Variants in IRAG2 observed in about 807,000 individuals in gnomAD.
IRAG2 encodes lymphoid restricted membrane protein.
In IRAG2, 45 loss-of-function variants were observed where a neutral mutation model predicts 69.9. That is an observed-to-expected ratio of 0.64 (90% confidence interval 0.51 to 0.83). The LOEUF (loss-of-function observed/expected upper bound fraction) is 0.83, where lower values mean the gene tolerates loss of function less well. Among genes scored for constraint, IRAG2 ranks in the 40% least tolerant of loss-of-function variants. IRAG2 has a pLI of 0.00. For missense variants in IRAG2, 520 were observed against 587.0 expected, an observed-to-expected ratio of 0.89 and a Z score of 1.18; for synonymous variants, 193 against 202.4, an observed-to-expected ratio of 0.95 and a Z score of 0.40.
chr12:25,069,854 C>T (rs11047807), intron 6 of IRAG2, among the ~76,000 whole-genome samples: 3,745 of 152,258 alleles, frequency 0.025, 144 homozygotes, highest in African/African-American at 0.077. Context: ...CCACAAAGCA[C>T]GGCCATGCCC....
At chr12:25,031,300 G>A (rs699047) in intron 10 of IRAG2, among the ~76,000 whole-genome samples, 143,563 of 152,244 alleles carry the variant, frequency 0.94, 68,278 homozygotes, top group East Asian at 1. Flanking sequence ...TCTTCTCACC[G>A]TTCTGCACTC....
At chr12:25,049,845 T>C (rs1944826511), upstream of IRAG2, among the ~76,000 whole-genome samples, 1 of 151,574 alleles carries the variant, frequency 6.6e-6, no homozygotes, top group African/African-American at 2.4e-5. Flanking sequence ...TAGCCAGGCA[T>C]AGTGGCAGGC....
upstream of IRAG2, among the ~76,000 whole-genome samples, chr12:25,051,287 G>A (rs538060219): frequency 3.3e-5 from 5 of 152,328 alleles, no homozygotes; most frequent in East Asian, 9.6e-4. Context: ...CATTCTGTGA[G>A]ACCATTCTTG....
intron 11 of IRAG2, among the ~76,000 whole-genome samples, chr12:25,089,149 T>A (rs1056733217): frequency 6.6e-6 from 1 of 152,236 alleles, no homozygotes; most frequent in Non-Finnish European, 1.5e-5. Context: ...ATTGGCAATA[T>A]AATAAAGCCA....
At chr12:25,006,247 C>T (rs975072181) in intron 2 of IRAG2, 17 of 152,054 alleles carry the variant, frequency 1.1e-4, no homozygotes, top group African/African-American at 3.6e-4. Flanking sequence ...GTGAGGTTAT[C>T]GAGAAAAGAG....
At chr12:25,073,792 A>G (rs1946482064) in intron 6 of IRAG2, among the ~76,000 whole-genome samples, 1 of 152,188 alleles carries the variant, frequency 6.6e-6, no homozygotes, top group Admixed American at 6.5e-5. Flanking sequence ...TCTTTTGGAG[A>G]TTCATTCTGA....
chr12:25,056,714 A>G (rs1565541584), intron 1 of IRAG2, among the ~76,000 whole-genome samples: 2 of 152,204 alleles, frequency 1.3e-5, no homozygotes, highest in East Asian at 1.9e-4. Context: ...GTTATATAGT[A>G]TAGAAATTAT....
intron 14 of IRAG2, chr12:25,035,899 C>A (rs187640650): frequency 7.6e-6 from 3 of 397,132 alleles, no homozygotes. Flanking sequence ...GCTGCTGAGA[C>A]CCAAATTAAT....
intron 20 of IRAG2, among the ~76,000 whole-genome samples, chr12:25,105,007 C>G (rs1449828522): frequency 6.7e-6 from 1 of 149,902 alleles, no homozygotes; most frequent in African/African-American, 2.5e-5. Context: ...GAGGGATATG[C>G]AGAAATGCTA....
At chr12:25,044,861 GACAGAAAATCAATAAGGAA>G (rs1367632203) in intron 16 of IRAG2, among the ~76,000 whole-genome samples, 1 of 152,042 alleles carries the variant, frequency 6.6e-6, no homozygotes, top group African/African-American at 2.4e-5. Flanking sequence ...AGAACATTTA[GACAGAAAATCAATAAGGAA>G]ACAGCAGGCT....
intron 16 of IRAG2, among the ~76,000 whole-genome samples, chr12:25,045,792 A>C (rs934717696): frequency 6.6e-6 from 1 of 151,744 alleles, no homozygotes; most frequent in Non-Finnish European, 1.5e-5. Flanking sequence ...GAATTCTACC[A>C]AACATTTAAA....
intron 6 of IRAG2, among the ~76,000 whole-genome samples, chr12:25,020,053 A>G (rs78502149): frequency 0.021 from 3,192 of 152,296 alleles, 45 homozygotes; most frequent in East Asian, 0.086. Context: ...AGTGCCTGGG[A>G]CAGGTTCAGC....
chr12:25,038,263 G>A (rs1050767421), intron 16 of IRAG2: 2 of 393,542 alleles, frequency 5.1e-6, no homozygotes, highest in African/African-American at 4.1e-5. Flanking sequence ...TTTTTTCAGA[G>A]AAGATATTCT....
At chr12:25,041,948 G>A (rs938532353) in intron 16 of IRAG2, among the ~76,000 whole-genome samples, 2 of 140,446 alleles carry the variant, frequency 1.4e-5, no homozygotes, top group South Asian at 4.6e-4. Flanking sequence ...TTGAATTTTT[G>A]TTTCAGCTGT....
Position 25,061,650 on chromosome 12 carries a change from T to G in IRAG2, c.-388T>G. On this transcript the variant is annotated 5_prime_UTR_variant, in exon 2 of 22. Coordinates refer to ENST00000556887, the MANE Select transcript of IRAG2 (RefSeq NM_001366544.2). The stretch of plus-strand genomic sequence containing the variant: ...AAGGGGAACACCATGGCTTGCTGTT[T>G]CAGGTAAAATATCTCTGATATGTGT... 1 of 398,624 alleles carries G rather than the reference T, an allele frequency of 2.5e-6. No individual in the cohort carries two copies. The highest frequency in any genetic ancestry group is 4.4e-6 in the Non-Finnish European group (1 of 226,042). The allele number at this position is 398,624 out of a possible 1,614,324, so 24.7% of individuals were successfully genotyped here.
At chr12:25,059,588 AG>A (rs1429435382) in intron 1 of IRAG2, among the ~76,000 whole-genome samples, 2 of 152,184 alleles carry the variant, frequency 1.3e-5, no homozygotes, top group Non-Finnish European at 2.9e-5. Flanking sequence ...TCCCGACCTC[AG>A]GTGACCCATC....
At chr12:25,026,783 C>T in intron 8 of IRAG2, 1 of 1,198,194 alleles carries the variant, frequency 8.3e-7, no homozygotes, top group South Asian at 4.2e-5. Flanking sequence ...CTATCTTTTA[C>T]ATTAGAATTT....
rs1474008815 is a variant in IRAG2 at position 25,088,122 on chromosome 12, C to T, written c.338C>T (p.Thr113Ile). Residue 113 changes from threonine (T) to isoleucine (I), a missense_variant, in exon 11 of 22, where the codon ACA (threonine) becomes ATA (isoleucine). Coordinates refer to ENST00000556887, the MANE Select transcript of IRAG2 (RefSeq NM_001366544.2). ...TAGGAAGCCAAAGAGGAACCAGAAA[C>T]AATAGAAGAACATAAAAAAGAACAT... ...LNLEAKEEPE[T>I]IEEHKKEHAS... 1 of 1,613,144 alleles carries T rather than the reference C, an allele frequency of 6.2e-7. No homozygotes were observed. The highest frequency in any genetic ancestry group is 1.7e-5 in the Admixed American group (1 of 60,006).
intron 6 of IRAG2, among the ~76,000 whole-genome samples, chr12:25,071,425 T>A (rs929616219): frequency 3.3e-5 from 5 of 152,224 alleles, no homozygotes; most frequent in Non-Finnish European, 7.3e-5. Flanking sequence ...AAAGTTTTAG[T>A]AAAGGAAGTT....
Sources: gnomAD v4.1 joint callset for allele counts (sites outside exome capture counted in the v4.1 genomes callset) on GRCh38, gnomAD v4.1.1 for gene constraint, MANE v1.5 for transcripts, NCBI Gene and HGNC (gene_info 2026-07-23, HGNC 2026-07-21) for gene names.